Variants in ERMP1 observed in about 807,000 individuals in gnomAD.
The protein encoded by ERMP1 is Felix-ina.
ERMP1 carries 86 observed loss-of-function variants against 92.0 expected under a neutral mutation model. That is an observed-to-expected ratio of 0.93 (90% CI 0.79 to 1.12). The LOEUF is 1.12. ERMP1 is among the 50% of genes most tolerant of loss of function. The pLI is 0.00. For synonymous variants in ERMP1, 530 were observed against 412.8 expected, an observed-to-expected ratio of 1.28 and a Z score of -3.44; for missense variants, 1,342 against 1,116.3, an observed-to-expected ratio of 1.20 and a Z score of -2.88.
At chr9:5,828,873 T>C (rs908781210) in intron 2 of ERMP1, among the ~76,000 whole-genome samples, 1 of 152,150 alleles carries the variant, frequency 6.6e-6, no homozygotes, top group Non-Finnish European at 1.5e-5. Context: ...TGGTGTTTAT[T>C]TGCCGCTTCC....
Position 5,832,865 on chromosome 9 carries a change from C to CG in ERMP1, c.162dup (p.Gly55ArgfsTer3). 1 of 1,521,440 alleles carries CG rather than the reference C, an allele frequency of 6.6e-7. No individual in the cohort carries two copies. The allele number at this position is 1,521,440 out of a possible 1,614,324, so 94.2% of individuals were successfully genotyped here. A position where few individuals can be genotyped will look rare whatever the true frequency, so the allele number is the denominator to read the frequency against. On this transcript the variant is annotated frameshift_variant, in exon 1 of 15. Coordinates refer to ENST00000339450, the MANE Select transcript of ERMP1 (RefSeq NM_024896.3). LOFTEE classifies it high-confidence loss of function. ...CCCCTGCTCGCGCCGCCGCTACCCCCGGGGCTCCTCTTCCGCGTCCTCCCG... is the reference window on the plus strand; with the variant it reads ...CCCCTGCTCGCGCCGCCGCTACCCCCGGGGGCTCCTCTTCCGCGTCCTCCCG...
chr9:5,858,605 C>A lies in ERMP1; in HGVS notation n.3199+863G>T, dbSNP rs77430804. Among the ~76,000 whole-genome samples, 1,258 of 152,318 alleles carry A rather than the reference C, an allele frequency of 8.3e-3. 16 individuals carry two copies. The highest frequency in any genetic ancestry group is 0.028 in the African/African-American group (1,184 of 41,572). Reference sequence around the variant, plus strand: ...GAGGCCCACCTCCTCCTCCGGAGCACAAGAGTCAGAGTGGTAAAGAGAAGT... The same window carrying A: ...GAGGCCCACCTCCTCCTCCGGAGCAAAAGAGTCAGAGTGGTAAAGAGAAGT... On this transcript the variant is annotated intron_variant and non_coding_transcript_variant, in intron 6 of 6. Coordinates refer to the ERMP1 transcript ENST00000690753.
intron 4 of ERMP1, among the ~76,000 whole-genome samples, chr9:5,816,727 G>A (rs1319388158): frequency 6.6e-6 from 1 of 152,134 alleles, no homozygotes; most frequent in Non-Finnish European, 1.5e-5. Context: ...CCAACGGAAT[G>A]GATCAATTGT....
At chr9:5,790,169 CTT>C (rs371493040) in intron 13 of ERMP1, among the ~76,000 whole-genome samples, 56 of 126,774 alleles carry the variant, frequency 4.4e-4, no homozygotes, top group African/African-American at 1.3e-3. Context: ...AAAACAATAC[CTT>C]TTTTTTTTTT....
intron 4 of ERMP1, among the ~76,000 whole-genome samples, chr9:5,817,836 C>T (rs1397575022): frequency 3.3e-5 from 5 of 150,072 alleles, no homozygotes; most frequent in East Asian, 1.9e-4. Flanking sequence ...TCTCTAGTTA[C>T]GGCATCAATA....
Position 5,838,460 on chromosome 9 carries a change from G to A in ERMP1, n.3200-5148C>T, listed in dbSNP as rs80231223. On this transcript the variant is annotated intron_variant and non_coding_transcript_variant, in intron 6 of 6. Transcript: ENST00000690753. The stretch of plus-strand genomic sequence containing the variant: ...CTAGGGAGACTGAGGTGAGAGGATC[G>A]CTTCCAGGAGGTCAAGGCTGCCATA... 7.8e-3 allele frequency among the ~76,000 whole-genome samples: 1,191 copies of A among 151,886 alleles called. 18 individuals carry two copies. The highest frequency in any genetic ancestry group is 0.026 in the African/African-American group (1,071 of 41,414).
chr9:5,855,050 A>T (rs1830356287), intron 6 of ERMP1, among the ~76,000 whole-genome samples: 1 of 152,232 alleles, frequency 6.6e-6, no homozygotes, highest in Non-Finnish European at 1.5e-5. Flanking sequence ...GTGCATGAAG[A>T]GATTCAAAGC....
chr9:5,821,932 T>C (rs1402308869), intron 4 of ERMP1, among the ~76,000 whole-genome samples: 1 of 152,192 alleles, frequency 6.6e-6, no homozygotes, highest in Non-Finnish European at 1.5e-5. Context: ...TACATGTATG[T>C]GTTCCTCCTA....
At chr9:5,821,385 G>A (rs1006165198) in intron 4 of ERMP1, among the ~76,000 whole-genome samples, 1 of 152,154 alleles carries the variant, frequency 6.6e-6, no homozygotes. Context: ...ATTATTAACA[G>A]TTTGTTTACA....
At chr9:5,818,555 A>C (rs1829408737) in intron 4 of ERMP1, among the ~76,000 whole-genome samples, 1 of 152,272 alleles carries the variant, frequency 6.6e-6, no homozygotes, top group East Asian at 1.9e-4. Flanking sequence ...GTCTCTACAA[A>C]AAGTAAAAAA....
intron 6 of ERMP1, among the ~76,000 whole-genome samples, chr9:5,841,951 G>C (rs1830168562): frequency 6.6e-6 from 1 of 152,158 alleles, no homozygotes; most frequent in South Asian, 2.1e-4. Flanking sequence ...AGCTCTTAAA[G>C]GTGGCGCATC....
chr9:5,789,344 G>A (rs1828074584), intron 13 of ERMP1, among the ~76,000 whole-genome samples: 1 of 151,904 alleles, frequency 6.6e-6, no homozygotes, highest in Non-Finnish European at 1.5e-5. Flanking sequence ...ATAAAACAAG[G>A]CAACAATGGA....
intron 2 of ERMP1, among the ~76,000 whole-genome samples, chr9:5,829,234 AAAAAC>A (rs1471848268): frequency 1.3e-5 from 2 of 151,980 alleles, no homozygotes; most frequent in Non-Finnish European, 2.9e-5. Context: ...AAAAAAAAAA[AAAAAC>A]ACTAAACCAC....
chr9:5,814,909 A>G (rs1299940480), intron 4 of ERMP1, among the ~76,000 whole-genome samples: 2 of 151,758 alleles, frequency 1.3e-5, no homozygotes, highest in East Asian at 3.9e-4. Context: ...ATCTATTTAA[A>G]AGAGTCCTAC....
At chr9:5,820,008 G>A (rs1379219088) in intron 4 of ERMP1, among the ~76,000 whole-genome samples, 2 of 152,262 alleles carry the variant, frequency 1.3e-5, no homozygotes, top group East Asian at 1.9e-4. Flanking sequence ...TCATTCTAAA[G>A]AAGGCTACAG....
rs1002029962 is a variant in ERMP1, at chr9:5,785,120, A to C, written c.*2024T>G. On this transcript the variant is annotated 3_prime_UTR_variant, in exon 15 of 15. Coordinates refer to ENST00000339450, the MANE Select transcript of ERMP1 (RefSeq NM_024896.3). ...GAGACTAGTGAGCATCTTACTACTG[A>C]CCTTGTACAATACCAAAGCTTCATA... 6.6e-6 allele frequency: 1 copy of C among 152,190 alleles called. No individual in the cohort carries two copies. Among genetic ancestry groups the C allele is most frequent in the Non-Finnish European group, 1.5e-5 (1 of 68,030 alleles). The allele number at this position is 152,190 out of a possible 1,614,324, so 9.4% of individuals were successfully genotyped here. A position where few individuals can be genotyped will look rare whatever the true frequency, so the allele number is the denominator to read the frequency against.
intron 6 of ERMP1, among the ~76,000 whole-genome samples, chr9:5,854,460 G>C (rs1263903288): frequency 1.3e-5 from 2 of 152,132 alleles, no homozygotes; most frequent in African/African-American, 4.8e-5. Context: ...TCAAGAGGTA[G>C]CAGAATTTTC....
intron 10 of ERMP1, among the ~76,000 whole-genome samples, chr9:5,801,667 A>C (rs1828678062): frequency 6.6e-6 from 1 of 152,260 alleles, no homozygotes; most frequent in African/African-American, 2.4e-5. Flanking sequence ...TGGATTATTC[A>C]TTAAATAACC....
chr9:5,849,274 G>C (rs367863156), intron 6 of ERMP1, among the ~76,000 whole-genome samples: 1 of 152,178 alleles, frequency 6.6e-6, no homozygotes, highest in Non-Finnish European at 1.5e-5. Context: ...GCCCAACTTG[G>C]CCTCCCAAAA....
Sources: gnomAD v4.1 joint callset for allele counts (sites outside exome capture counted in the v4.1 genomes callset) on GRCh38, gnomAD v4.1.1 for gene constraint, MANE v1.5 for transcripts, NCBI Gene and HGNC (gene_info 2026-07-23, HGNC 2026-07-21) for gene names.